The following KRTAP10-10 variants were observed in gnomAD, a reference collection of about 807,000 sequenced individuals.
KRTAP10-10 encodes keratin associated protein 10-10.
For synonymous variants in KRTAP10-10, 139 were observed against 137.6 expected (o/e 1.01, Z -0.07); for missense variants, 324 against 319.9 (o/e 1.01, Z -0.10).
At position 44,638,046 on chromosome 21, in the gene KRTAP10-10, G is replaced by T. The variant is rs1267753587; in HGVS notation, c.629G>T (p.Gly210Val). 1.9e-6 allele frequency: 3 copies of T among 1,613,194 alleles called. No individual in the cohort carries two copies. In the African/African-American group the frequency reaches 4.0e-5, roughly 22 times the overall value. Residue 210 changes from glycine to valine, a missense_variant, in exon 1 of 1, where the codon GGT (glycine) becomes GTT (valine). By Grantham distance (109) the Gly-to-Val change is moderately radical. Transcript: ENST00000380095. ...TGCTGCGTGCCCGTCCCCTCCTGCGGTGCCTCTGCCTCCTCCTGCCAGCCC... is the reference window on the plus strand; with the variant it reads ...TGCTGCGTGCCCGTCCCCTCCTGCGTTGCCTCTGCCTCCTCCTGCCAGCCC... ...STCCVPVPSC[G>V]ASASSCQPSC...
At position 44,638,209 on chromosome 21, in the gene KRTAP10-10, G is replaced by T; in HGVS notation, c.*36G>T. Reference sequence around the variant, plus strand: ...TGTGATCCGGAGTCCCTTCCCACCAGGGGCTGACCTCCCAGCTGCCCCAGC... The same window carrying T: ...TGTGATCCGGAGTCCCTTCCCACCATGGGCTGACCTCCCAGCTGCCCCAGC... On this transcript the variant is annotated 3_prime_UTR_variant, in exon 1 of 1. Coordinates refer to ENST00000380095, the MANE Select transcript of KRTAP10-10 (RefSeq NM_181688.3). 1 of 1,573,640 alleles carries T rather than the reference G, an allele frequency of 6.4e-7. No individual in the cohort carries two copies. The highest frequency in any genetic ancestry group is 8.6e-7 in the Non-Finnish European group (1 of 1,156,298).
At position 44,637,958 on chromosome 21, in the gene KRTAP10-10, G is replaced by A. The variant is rs147625145; in HGVS notation, c.541G>A (p.Ala181Thr). The A allele has an allele frequency of 6.8e-4, 1,100 of 1,613,352 alleles. No homozygotes were observed. Among genetic ancestry groups the A allele is most frequent in the Non-Finnish European group, 8.6e-4 (1,017 of 1,179,894 alleles). The change falls in exon 1 of 1, where the codon GCC (alanine) becomes ACC (threonine). Residue 181 changes from alanine to threonine, a missense_variant. By Grantham distance (58) the Ala-to-Thr change is moderately conservative (BLOSUM62 0). Transcript: ENST00000380095. ...QSSCQPACCT[A>T]SCCRPSSSVS... ...TAGCTGCCAGCCTGCTTGCTGCACC[G>A]CCTCCTGCTGCAGACCCTCCTCCTC...
Position 44,637,983 on chromosome 21 carries a change from C to T in KRTAP10-10, c.566C>T (p.Ser189Phe), listed in dbSNP as rs1478794489. The change falls in exon 1 of 1, where the codon TCC becomes TTC. Residue 189 changes from serine (S) to phenylalanine (F), a missense_variant. Ser to Phe is a radical substitution (Grantham distance 155). Coordinates refer to ENST00000380095, the MANE Select transcript of KRTAP10-10 (RefSeq NM_181688.3). ...GCCTCCTGCTGCAGACCCTCCTCCT[C>T]CGTGTCCCTCCTCTGCCACCCTGTG... Reference protein sequence around the residue: ...CTASCCRPSSSVSLLCHPVCK... With the variant: ...CTASCCRPSSFVSLLCHPVCK... 2 of 1,613,714 alleles carry T rather than the reference C, an allele frequency of 1.2e-6. No homozygotes were observed. Among genetic ancestry groups the T allele is most frequent in the East Asian group, 2.2e-5 (1 of 44,892 alleles).
chr21:44,637,643 C>A lies in KRTAP10-10; in HGVS notation c.226C>A (p.Gln76Lys), dbSNP rs782493011. 1.3e-6 allele frequency: 2 copies of A among 1,579,246 alleles called. No homozygotes were observed. Among genetic ancestry groups the A allele is most frequent in the African/African-American group, 2.7e-5 (2 of 72,824 alleles). Residue 76 changes from glutamine (Q) to lysine (K), a missense_variant, in exon 1 of 1, where the codon CAG becomes AAG. Transcript: ENST00000380095. ...YTSSCTTPCY[Q>K]QSSCQPDCCT... Reference sequence around the variant, plus strand: ...CAGCTCCTGCACAACCCCATGCTACCAGCAGTCTAGCTGCCAGCCGGATTG... The same window carrying A: ...CAGCTCCTGCACAACCCCATGCTACAAGCAGTCTAGCTGCCAGCCGGATTG...
rs201799832 is a variant in KRTAP10-10, at chr21:44,637,433, A to G, written c.16A>G (p.Met6Val). The change falls in exon 1 of 1, where the codon ATG becomes GTG. Residue 6 changes from methionine (M) to valine (V), a missense_variant. Met to Val is a conservative substitution (Grantham distance 21). Transcript: ENST00000380095. ...CCACTCCAGCATGGCCGCCTCCACC[A>G]TGTCCATCTGCTCCAGCGCCTGCAC... is the stretch of plus-strand genomic sequence containing the variant. MAAST[M>V]SICSSACTDS... 1.9e-5 allele frequency: 31 copies of G among 1,608,382 alleles called. No homozygotes were observed. In the East Asian group the frequency reaches 5.1e-4, roughly 27 times the overall value.
rs782414251 is a variant in KRTAP10-10, at chr21:44,638,001, A to G, written c.584A>G (p.His195Arg). The G allele has an allele frequency of 9.9e-6, 16 of 1,612,280 alleles. No individual in the cohort carries two copies. The highest frequency in any genetic ancestry group is 4.5e-5 in the East Asian group (2 of 44,764). ...RPSSSVSLLC[H>R]PVCKSTCCVP... is the part of the protein sequence containing the mutation. ...TCCTCCTCCGTGTCCCTCCTCTGCCACCCTGTGTGCAAGTCCACCTGCTGC... is the reference window on the plus strand; with the variant it reads ...TCCTCCTCCGTGTCCCTCCTCTGCCGCCCTGTGTGCAAGTCCACCTGCTGC... The change falls in exon 1 of 1, where the codon CAC becomes CGC. Residue 195 changes from histidine to arginine, a missense_variant. His to Arg is a conservative substitution (Grantham distance 29, BLOSUM62 0). Coordinates refer to ENST00000380095, the MANE Select transcript of KRTAP10-10 (RefSeq NM_181688.3).
In KRTAP10-10 at chr21:44,637,357, A is replaced by C; in HGVS notation, c.-61A>C. The C allele has an allele frequency of 4.5e-6, 7 of 1,562,694 alleles. No homozygotes were observed. Among genetic ancestry groups the C allele is most frequent in the Non-Finnish European group, 6.1e-6 (7 of 1,153,496 alleles). On this transcript the variant is annotated 5_prime_UTR_variant, in exon 1 of 1. Coordinates refer to ENST00000380095, the MANE Select transcript of KRTAP10-10 (RefSeq NM_181688.3). ...CAGCAGCTGACAGGCTCACACACAC[A>C]CTCACTCACACACTCACTCACTCAC...
rs150635117 is a variant in KRTAP10-10, at chr21:44,637,894, T to C, written c.477T>C (p.Pro159=). ...PVCSKSVCYV[P]VCSGASTSCC... ...GCTCTAAGTCCGTCTGCTATGTGCC[T>C]GTGTGCTCTGGGGCTTCCACTTCAT... The change falls in exon 1 of 1, where the codon CCT becomes CCC. Residue 159 remains proline, a synonymous_variant. Coordinates refer to ENST00000380095, the MANE Select transcript of KRTAP10-10 (RefSeq NM_181688.3). 3.0e-4 allele frequency: 462 copies of C among 1,530,498 alleles called. 1 individual carries two copies. Among genetic ancestry groups the C allele is most frequent in the Middle Eastern group, 6.9e-4 (4 of 5,820 alleles). The allele number at this position is 1,530,498 out of a possible 1,614,324, so 94.8% of individuals were successfully genotyped here.
At position 44,637,473 on chromosome 21, in the gene KRTAP10-10, T is replaced by C. The variant is rs1281643593; in HGVS notation, c.56T>C (p.Val19Ala). The change falls in exon 1 of 1, where the codon GTA (valine) becomes GCA (alanine). Residue 19 changes from valine (V) to alanine (A), a missense_variant. By Grantham distance (64) the Val-to-Ala change is moderately conservative. Transcript: ENST00000380095. ...CSSACTDSWR[V>A]VDCPESCCEP... ...AGCGCCTGCACTGACTCTTGGCGGGTAGTCGACTGCCCAGAGAGCTGCTGC... is the reference window on the plus strand; with the variant it reads ...AGCGCCTGCACTGACTCTTGGCGGGCAGTCGACTGCCCAGAGAGCTGCTGC... 1.2e-6 allele frequency: 2 copies of C among 1,612,872 alleles called. No homozygotes were observed. The highest frequency in any genetic ancestry group is 2.7e-5 in the African/African-American group (2 of 74,834).
In KRTAP10-10 at chr21:44,637,717, TGTGCCCGTCTGCTGC is replaced by T. The variant is rs782019885; in HGVS notation, c.312_326del (p.Cys105_Cys109del). On this transcript the variant is annotated inframe_deletion, in exon 1 of 1. Transcript: ENST00000380095. ...AGGCCTGCTGTGTGCCTGTCTGCTG[TGTGCCCGTCTGCTGC>T]GTGCCCGTCTGTAACAAGCCTGTGT... 1.9e-5 allele frequency: 16 copies of T among 848,684 alleles called. No individual in the cohort carries two copies. Among genetic ancestry groups the T allele is most frequent in the East Asian group, 8.9e-5 (3 of 33,534 alleles). The allele number at this position is 848,684 out of a possible 1,614,324, so 52.6% of individuals were successfully genotyped here.
In KRTAP10-10 at chr21:44,638,268, A is replaced by T; in HGVS notation, c.*95A>T. On this transcript the variant is annotated 3_prime_UTR_variant, in exon 1 of 1. Coordinates refer to ENST00000380095, the MANE Select transcript of KRTAP10-10 (RefSeq NM_181688.3). ...CCCTCTCTGGCTTTGACACCCTCAG[A>T]AGGTGGGGCAGGCTCTTTGTCTTGG... 13 of 1,493,398 alleles carry T rather than the reference A, an allele frequency of 8.7e-6. No homozygotes were observed. Among genetic ancestry groups the T allele is most frequent in the Non-Finnish European group, 1.2e-5 (13 of 1,119,240 alleles). The allele number at this position is 1,493,398 out of a possible 1,614,324, so 92.5% of individuals were successfully genotyped here.
rs147433593 is a variant in KRTAP10-10 at position 44,637,931 on chromosome 21, T to C, written c.514T>C (p.Ser172Pro). The C allele has an allele frequency of 1.3e-4, 205 of 1,613,040 alleles. No homozygotes were observed. In the Admixed American group the frequency reaches 1.5e-3, roughly 11 times the overall value. The change falls in exon 1 of 1, where the codon TCT becomes CCT. Residue 172 changes from serine (S) to proline (P), a missense_variant. By Grantham distance (74) the Ser-to-Pro change is moderately conservative. Transcript: ENST00000380095. ...SGASTSCCQQSSCQPACCTAS... is the reference protein window; with the variant it reads ...SGASTSCCQQPSCQPACCTAS... ...GGCTTCCACTTCATGCTGCCAGCAGTCTAGCTGCCAGCCTGCTTGCTGCAC... is the reference window on the plus strand; with the variant it reads ...GGCTTCCACTTCATGCTGCCAGCAGCCTAGCTGCCAGCCTGCTTGCTGCAC...
chr21:44,637,368 C>A lies in KRTAP10-10; in HGVS notation c.-50C>A. The A allele has an allele frequency of 1.9e-6, 3 of 1,573,200 alleles. No individual in the cohort carries two copies. Among genetic ancestry groups the A allele is most frequent in the Non-Finnish European group, 2.6e-6 (3 of 1,159,296 alleles). ...AGGCTCACACACACACTCACTCACA[C>A]ACTCACTCACTCACACACCTCCCCC... On this transcript the variant is annotated 5_prime_UTR_variant, in exon 1 of 1. Coordinates refer to ENST00000380095, the MANE Select transcript of KRTAP10-10 (RefSeq NM_181688.3).
rs1983693194 is a variant in KRTAP10-10, at chr21:44,637,624, C to G, written c.207C>G (p.Ser69=). ...PSACQSGYTS[S]CTTPCYQQSS... ...CCTGCCAATCAGGCTACACCAGCTCCTGCACAACCCCATGCTACCAGCAGT... is the reference window on the plus strand; with the variant it reads ...CCTGCCAATCAGGCTACACCAGCTCGTGCACAACCCCATGCTACCAGCAGT... The change falls in exon 1 of 1, where the codon TCC becomes TCG. Residue 69 remains serine, a synonymous_variant. Coordinates refer to ENST00000380095, the MANE Select transcript of KRTAP10-10 (RefSeq NM_181688.3). 1 of 1,613,904 alleles carries G rather than the reference C, an allele frequency of 6.2e-7. No individual in the cohort carries two copies. Among genetic ancestry groups the G allele is most frequent in the South Asian group, 1.1e-5 (1 of 91,088 alleles).
In KRTAP10-10 at chr21:44,637,724, G is replaced by A. The variant is rs587748372; in HGVS notation, c.307G>A (p.Val103Ile). The change falls in exon 1 of 1, where the codon GTC becomes ATC. Residue 103 changes from valine (V) to isoleucine (I), a missense_variant. Val to Ile is a conservative substitution (Grantham distance 29). Transcript: ENST00000380095. ...CTGTGTGCCTGTCTGCTGTGTGCCCGTCTGCTGCGTGCCCGTCTGTAACAA... is the reference window on the plus strand; with the variant it reads ...CTGTGTGCCTGTCTGCTGTGTGCCCATCTGCTGCGTGCCCGTCTGTAACAA... ...ACCVPVCCVPVCCVPVCNKPV... is the reference protein window; with the variant it reads ...ACCVPVCCVPICCVPVCNKPV... 1.7e-4 allele frequency: 227 copies of A among 1,325,036 alleles called. No homozygotes were observed. In the Admixed American group the frequency reaches 3.6e-3, roughly 21 times the overall value. 82.1% of individuals were successfully genotyped at this position (1,325,036 alleles called of 1,614,324 possible).
the KRTAP10-10 span, chr21:44,637,507 C>A: frequency 6.2e-7 from 1 of 1,613,172 alleles, no homozygotes; most frequent in African/African-American, 1.3e-5. Context: ...GCGAGCCCTG[C>A]TGCTGTGCCC....
At position 44,637,505 on chromosome 21, in the gene KRTAP10-10, T is replaced by A. The variant is rs112205018; in HGVS notation, c.88T>A (p.Cys30Ser). The A allele has an allele frequency of 0.31, 503,625 of 1,612,230 alleles. 80,300 individuals are homozygous for A. The highest frequency in any genetic ancestry group is 0.41 in the South Asian group (37,227 of 90,876). ...CTGCCCAGAGAGCTGCTGCGAGCCC[T>A]GCTGCTGTGCCCCAGCCCCCAGCTT... ...VDCPESCCEP[C>S]CCAPAPSLTL... is the part of the protein sequence containing the mutation. The change falls in exon 1 of 1, where the codon TGC (cysteine) becomes AGC (serine). Residue 30 changes from cysteine (C) to serine (S), a missense_variant. Cys to Ser is a moderately radical substitution (Grantham distance 112). Coordinates refer to ENST00000380095, the MANE Select transcript of KRTAP10-10 (RefSeq NM_181688.3).
rs1555936974 is a variant in KRTAP10-10 at position 44,637,428 on chromosome 21, C to T, written c.11C>T (p.Ser4Phe). Reference protein sequence around the residue: MAASTMSICSSACT... With the variant: MAAFTMSICSSACT... Reference sequence around the variant, plus strand: ...CCTCCCCACTCCAGCATGGCCGCCTCCACCATGTCCATCTGCTCCAGCGCC... The same window carrying T: ...CCTCCCCACTCCAGCATGGCCGCCTTCACCATGTCCATCTGCTCCAGCGCC... The change falls in exon 1 of 1, where the codon TCC becomes TTC. Residue 4 changes from serine to phenylalanine, a missense_variant. By Grantham distance (155) the Ser-to-Phe change is radical (BLOSUM62 -2). Coordinates refer to ENST00000380095, the MANE Select transcript of KRTAP10-10 (RefSeq NM_181688.3). 6.2e-7 allele frequency: 1 copy of T among 1,606,630 alleles called. No homozygotes were observed. The highest frequency in any genetic ancestry group is 1.3e-5 in the African/African-American group (1 of 74,990).
chr21:44,637,406 C>G lies in KRTAP10-10; in HGVS notation c.-12C>G. The stretch of plus-strand genomic sequence containing the variant: ...ACACACCTCCCCCAGCTCACCGCCT[C>G]CCCACTCCAGCATGGCCGCCTCCAC... On this transcript the variant is annotated 5_prime_UTR_variant, in exon 1 of 1. Transcript: ENST00000380095. 6.3e-7 allele frequency: 1 copy of G among 1,595,978 alleles called. No homozygotes were observed. Among genetic ancestry groups the G allele is most frequent in the South Asian group, 1.2e-5 (1 of 86,402 alleles).
Sources: gnomAD v4.1 joint callset for allele counts on GRCh38, gnomAD v4.1.1 for gene constraint, MANE v1.5 for transcripts, NCBI Gene and HGNC (gene_info 2026-07-23, HGNC 2026-07-21) for gene names.